Variants in SGCZ observed in about 807,000 individuals in gnomAD.
SGCZ encodes the protein zeta-sarcoglycan.
A neutral mutation model predicts 41.3 loss-of-function variants in SGCZ; 40 were observed. The ratio of observed to expected loss-of-function variants is 0.97; its 90% CI spans 0.75 to 1.26. The LOEUF (loss-of-function observed/expected upper bound fraction) is 1.26, where lower values mean the gene tolerates loss of function less well. SGCZ is among the 50% of genes most tolerant of loss of function. The pLI, the probability that SGCZ is intolerant of heterozygous loss-of-function variation, is 0.00. For missense variants in SGCZ, 552 were observed against 369.8 expected (o/e 1.49, Z -4.04); for synonymous variants, 206 against 137.5 (o/e 1.50, Z -3.49).
chr8:14,549,458 A>G (rs1803733877), intron 2 of SGCZ, among the ~76,000 whole-genome samples: 1 of 152,096 alleles, frequency 6.6e-6, no homozygotes, highest in African/African-American at 2.4e-5. Flanking sequence ...AGAACAAGTG[A>G]AAAAATTAAA....
chr8:14,929,433 A>G (rs1205242901), intron 1 of SGCZ, among the ~76,000 whole-genome samples: 1 of 151,912 alleles, frequency 6.6e-6, no homozygotes, highest in East Asian at 1.9e-4. Context: ...TCTCACCCAG[A>G]TATGTTGTTA....
At chr8:15,091,207 G>C (rs1175665969) in intron 1 of SGCZ, among the ~76,000 whole-genome samples, 1 of 152,056 alleles carries the variant, frequency 6.6e-6, no homozygotes, top group Non-Finnish European at 1.5e-5. Flanking sequence ...TTCTTTTACA[G>C]ATGGGCCCTC....
chr8:14,621,187 G>C (rs201363665), intron 1 of SGCZ, among the ~76,000 whole-genome samples: 2 of 149,680 alleles, frequency 1.3e-5, no homozygotes, highest in South Asian at 2.1e-4. Flanking sequence ...CTATCACAAG[G>C]ACAAAAAACC....
rs188191173 is a variant in SGCZ, at chr8:14,923,633, G to A, written c.39+313952C>T. 4.1e-3 allele frequency among the ~76,000 whole-genome samples: 625 copies of A among 152,262 alleles called. 6 individuals carry two copies. The highest frequency in any genetic ancestry group is 0.017 in the South Asian group (83 of 4,826). On this transcript the variant is annotated intron_variant, in intron 1 of 7. Coordinates refer to ENST00000382080, the MANE Select transcript of SGCZ (RefSeq NM_139167.4). Reference sequence around the variant, plus strand: ...TAAGGTAAGGGAATTCAAATGCAAAGAACAATTTAAAGTACATTGGAAACA... The same window carrying A: ...TAAGGTAAGGGAATTCAAATGCAAAAAACAATTTAAAGTACATTGGAAACA...
chr8:14,788,798 T>A (rs1014992192), intron 1 of SGCZ, among the ~76,000 whole-genome samples: 2 of 152,104 alleles, frequency 1.3e-5, no homozygotes, highest in Non-Finnish European at 2.9e-5. Context: ...AAAACATTTT[T>A]GTGAACTGAT....
intron 2 of SGCZ, among the ~76,000 whole-genome samples, chr8:14,481,174 A>G (rs1232789382): frequency 1.3e-5 from 2 of 149,396 alleles, no homozygotes; most frequent in Non-Finnish European, 3.0e-5. Flanking sequence ...ATATGAAAAC[A>G]TGAATAGTTA....
At chr8:15,031,806 T>A (rs1038630020) in intron 1 of SGCZ, among the ~76,000 whole-genome samples, 1 of 152,140 alleles carries the variant, frequency 6.6e-6, no homozygotes, top group East Asian at 1.9e-4. Context: ...CATGAGGACA[T>A]AGCAGCTTCT....
At chr8:14,972,514 T>A (rs1237572511) in intron 1 of SGCZ, among the ~76,000 whole-genome samples, 2 of 152,194 alleles carry the variant, frequency 1.3e-5, no homozygotes, top group African/African-American at 4.8e-5. Flanking sequence ...ATGTGACTAT[T>A]GATATGGTTA....
chr8:14,207,620 T>A (rs75726471), intron 4 of SGCZ, among the ~76,000 whole-genome samples: 7 of 152,320 alleles, frequency 4.6e-5, no homozygotes, highest in Admixed American at 2.6e-4. Flanking sequence ...TTTAAAATAC[T>A]GTTTCTTCTG....
rs117744736 is a variant in SGCZ, at chr8:14,452,295, G to A, written c.234+102437C>T. Reference sequence around the variant, plus strand: ...AAAAAGTAAGATTAGTCACTGTCGGGGGGTGAGGGGAGGGACGAATTAACA... The same window carrying A: ...AAAAAGTAAGATTAGTCACTGTCGGAGGGTGAGGGGAGGGACGAATTAACA... On this transcript the variant is annotated intron_variant, in intron 2 of 7. Coordinates refer to ENST00000382080, the MANE Select transcript of SGCZ (RefSeq NM_139167.4). Among the ~76,000 whole-genome samples the A allele has an allele frequency of 9.5e-4, 145 of 152,206 alleles. 1 individual carries two copies. The East Asian group carries it at 0.026, about 27-fold the overall frequency.
At chr8:14,946,052 AT>A (rs1800434561) in intron 1 of SGCZ, among the ~76,000 whole-genome samples, 1 of 97,758 alleles carries the variant, frequency 1.0e-5, no homozygotes, top group Non-Finnish European at 2.0e-5. Flanking sequence ...ATATATATAT[AT>A]ATGAATCATT....
intron 3 of SGCZ, among the ~76,000 whole-genome samples, chr8:14,242,102 T>A (rs1000657928): frequency 6.6e-6 from 1 of 152,138 alleles, no homozygotes. Flanking sequence ...TTAACAATCA[T>A]ACAAACAGAG....
At chr8:15,226,117 G>C (rs561608776) in intron 1 of SGCZ, among the ~76,000 whole-genome samples, 3 of 152,290 alleles carry the variant, frequency 2.0e-5, no homozygotes, top group African/African-American at 7.2e-5. Flanking sequence ...AGTACATTGA[G>C]TACTAATATG....
intron 1 of SGCZ, among the ~76,000 whole-genome samples, chr8:14,928,572 T>C (rs1480829736): frequency 6.6e-6 from 1 of 152,318 alleles, no homozygotes; most frequent in Admixed American, 6.5e-5. Context: ...TAATTAAGGT[T>C]TAAAAATGAA....
intron 1 of SGCZ, among the ~76,000 whole-genome samples, chr8:15,069,389 C>A (rs1375819933): frequency 6.6e-6 from 1 of 152,164 alleles, no homozygotes; most frequent in Non-Finnish European, 1.5e-5. Context: ...TTATTATTTA[C>A]AAGCTTATTG....
intron 2 of SGCZ, among the ~76,000 whole-genome samples, chr8:14,536,658 T>G (rs1298797467): frequency 1.3e-5 from 2 of 151,916 alleles, no homozygotes; most frequent in Non-Finnish European, 2.9e-5. Flanking sequence ...TAGAAGCACT[T>G]AAACATAATT....
At chr8:14,857,078 T>C (rs767253604) in intron 1 of SGCZ, among the ~76,000 whole-genome samples, 3 of 152,128 alleles carry the variant, frequency 2.0e-5, no homozygotes, top group Non-Finnish European at 2.9e-5. Flanking sequence ...TAGTACTGTA[T>C]AGTCAGTGAG....
chr8:14,415,889 C>A (rs1365693336), intron 2 of SGCZ, among the ~76,000 whole-genome samples: 2 of 151,864 alleles, frequency 1.3e-5, no homozygotes, highest in Admixed American at 6.6e-5. Context: ...CACTGGTTAA[C>A]AAAACTTCAT....
intron 1 of SGCZ, among the ~76,000 whole-genome samples, chr8:14,706,920 TATTA>T (rs1809349152): frequency 6.6e-6 from 1 of 151,898 alleles, no homozygotes. Context: ...CAGAAATTCT[TATTA>T]TTTAGAAGAA....
Sources: gnomAD v4.1 joint callset for allele counts (sites outside exome capture counted in the v4.1 genomes callset) on GRCh38, gnomAD v4.1.1 for gene constraint, MANE v1.5 for transcripts, NCBI Gene and HGNC (gene_info 2026-07-23, HGNC 2026-07-21) for gene names.